ATP7B: variants seen among roughly 807,000 people sequenced by gnomAD.
The protein encoded by ATP7B is copper-transporting ATPase 2.
In ATP7B, 113 loss-of-function variants were observed where a neutral mutation model predicts 118.9. That is an observed-to-expected ratio of 0.95 (90% CI 0.82 to 1.11). ATP7B has a LOEUF of 1.11. Ranked by LOEUF, ATP7B falls within the 50% of genes most tolerant of loss-of-function variation. ATP7B has a pLI of 0.00. For synonymous variants in ATP7B, 777 were observed against 727.4 expected (o/e 1.07, Z -1.10); for missense variants, 1,867 against 1,871.4 (o/e 1.00, Z 0.04).
chr13:51,939,023 C>T (rs1957148215), intron 17 of ATP7B, 28 bp downstream of exon 17: 2 of 1,614,222 alleles, frequency 1.2e-6, no homozygotes, highest in African/African-American at 1.3e-5. Flanking sequence ...ATGAGCTTTA[C>T]ACAGTTTGCA....
intron 9 of ATP7B, among the ~76,000 whole-genome samples, chr13:51,950,789 A>T (rs899502019): frequency 1.3e-5 from 2 of 152,160 alleles, no homozygotes; most frequent in Non-Finnish European, 2.9e-5. Context: ...GGAAGGTAAC[A>T]TTTAAGCTGA....
intron 7 of ATP7B, chr13:51,959,000 T>C (rs1365400567): frequency 3.8e-5 from 8 of 210,932 alleles, no homozygotes; most frequent in Non-Finnish European, 7.7e-5. Context: ...GTATCTGTAT[T>C]ACGTGAACAT....
upstream of ATP7B, chr13:52,011,476 GCAAA>G: frequency 1.1e-6 from 1 of 929,750 alleles, no homozygotes; most frequent in South Asian, 1.4e-5. Context: ...CGGCTCTAAA[GCAAA>G]CAGGGGTCCG....
chr13:51,936,979 A>G (rs1294698218), intron 19 of ATP7B, among the ~76,000 whole-genome samples: 1 of 152,164 alleles, frequency 6.6e-6, no homozygotes, highest in Non-Finnish European at 1.5e-5. Flanking sequence ...CTCAGACTAT[A>G]TGACTTAACA....
At chr13:51,937,713 C>T (rs368929809) in intron 17 of ATP7B, 34 bp from the exon 18 acceptor site, 26 of 1,608,534 alleles carry the variant, frequency 1.6e-5, no homozygotes, top group African/African-American at 2.7e-5. Flanking sequence ...CTAGTGTTGG[C>T]AAAAGGTATC....
Position 51,965,237 on chromosome 13 carries a change from C to T in ATP7B, c.1708-204G>A, listed in dbSNP as rs375115846. 2.0e-4 allele frequency among the ~76,000 whole-genome samples: 30 copies of T among 152,318 alleles called. No individual in the cohort carries two copies. The South Asian group carries it at 3.5e-3, about 18-fold the overall frequency. Reference sequence around the variant, plus strand: ...CTTCAGGGACTAAAGAGTAGCTCTTCCCCAAAACAGGTACAAGAGACAGCC... The same window carrying T: ...CTTCAGGGACTAAAGAGTAGCTCTTTCCCAAAACAGGTACAAGAGACAGCC... On this transcript the variant is annotated intron_variant, in intron 4 of 20. Transcript: ENST00000242839.
intron 1 of ATP7B, among the ~76,000 whole-genome samples, chr13:51,978,457 C>G (rs994590210): frequency 2.0e-5 from 3 of 152,172 alleles, no homozygotes; most frequent in Non-Finnish European, 4.4e-5. Context: ...TTTGCAATAC[C>G]TATTAAAATT....
intron 1 of ATP7B, among the ~76,000 whole-genome samples, chr13:52,000,297 T>C (rs1012434078): frequency 6.6e-6 from 1 of 152,190 alleles, no homozygotes; most frequent in South Asian, 2.1e-4. Context: ...GTTCTTTGCT[T>C]CACAGATGGT....
chr13:51,937,350 C>T lies in ATP7B; in HGVS notation c.3947G>A (p.Arg1316Lys), dbSNP rs1451739635. Residue 1316 changes from arginine to lysine, a missense_variant, in exon 19 of 21, where the codon AGG becomes AAG. Coordinates refer to ENST00000242839, the MANE Select transcript of ATP7B (RefSeq NM_000053.4). ...GTTGATGCGTATCCTTCGGACAGTC[C>T]TCTTGGAAAGGTGAATGCTAGCCAC... is the stretch of plus-strand genomic sequence containing the variant. Reference protein sequence around the residue: ...DVVASIHLSKRTVRRIRINLV... With the variant: ...DVVASIHLSKKTVRRIRINLV... 1.2e-6 allele frequency: 2 copies of T among 1,614,230 alleles called. No individual in the cohort carries two copies. The highest frequency in any genetic ancestry group is 1.1e-5 in the South Asian group (1 of 91,082).
chr13:51,950,348 C>G lies in ATP7B; in HGVS notation c.2499G>C (p.Val833=). The G allele has an allele frequency of 6.2e-6, 10 of 1,614,194 alleles. No individual in the cohort carries two copies. The highest frequency in any genetic ancestry group is 8.5e-6 in the Non-Finnish European group (10 of 1,180,032). Residue 833 remains valine, a synonymous_variant, in exon 10 of 21, where the codon GTG becomes GTC. Transcript: ENST00000242839. ...CCACTGGAAACTTTCCCCCAGGGAC[C>G]ACCTTGACGATATCGCCCCGCTGCA... The part of the protein sequence containing the change: ...ELVQRGDIVK[V]VPGGKFPVDG...
At chr13:51,986,897 TA>T (rs1275017991) in intron 1 of ATP7B, among the ~76,000 whole-genome samples, 3 of 152,202 alleles carry the variant, frequency 2.0e-5, no homozygotes, top group African/African-American at 7.2e-5. Context: ...CTCAATAAAC[TA>T]GGTACTGATG....
At chr13:51,973,132 C>T (rs1290839207) in intron 2 of ATP7B, among the ~76,000 whole-genome samples, 1 of 152,156 alleles carries the variant, frequency 6.6e-6, no homozygotes, top group African/African-American at 2.4e-5. Context: ...CCTTAACTCT[C>T]ATTTTTACCA....
rs761258963 is a variant in ATP7B at position 51,957,550 on chromosome 13, C to T, written c.2413G>A (p.Val805Ile). Reference protein sequence around the residue: ...LMSLQATEATVVTLGEDNLII... With the variant: ...LMSLQATEATIVTLGEDNLII... ...AAATTGTCCTCACCAAGGGTCACAA[C>T]GGTGGCTTCTGTGGCTTGGAGAGAC... The change falls in exon 9 of 21, where the codon GTT (valine) becomes ATT (isoleucine). Residue 805 changes from valine (V) to isoleucine (I), a missense_variant. By Grantham distance (29) the Val-to-Ile change is conservative (BLOSUM62 3). Transcript: ENST00000242839. The T allele has an allele frequency of 9.3e-6, 15 of 1,614,168 alleles. No homozygotes were observed. The highest frequency in any genetic ancestry group is 2.2e-5 in the South Asian group (2 of 91,086).
intron 14 of ATP7B, 145 bp from the exon 15 acceptor site, chr13:51,942,699 T>A: frequency 9.8e-6 from 9 of 919,514 alleles, no homozygotes; most frequent in South Asian, 1.4e-5. Context: ...GGGAGGGAGG[T>A]GGAACAGATA....
chr13:51,966,447 C>T (rs1251587722), intron 4 of ATP7B, among the ~76,000 whole-genome samples: 5 of 152,124 alleles, frequency 3.3e-5, no homozygotes, highest in African/African-American at 4.8e-5. Context: ...CCGCTTGTGC[C>T]GTACCATGTT....
At chr13:51,958,203 T>C in intron 8 of ATP7B, 108 bp downstream of exon 8, 1 of 1,295,340 alleles carries the variant, frequency 7.7e-7, no homozygotes, top group South Asian at 1.3e-5. Context: ...TTTCTTTAAG[T>C]CTGTCTCTAT....
chr13:51,964,882 T>C lies in ATP7B; in HGVS notation c.1859A>G (p.Lys620Arg). 10 of 1,614,206 alleles carry C rather than the reference T, an allele frequency of 6.2e-6. No individual in the cohort carries two copies. The highest frequency in any genetic ancestry group is 1.1e-5 in the South Asian group (1 of 91,082). ...TAATGAATTACTTACCTCAATAATT[T>C]TGATAATATCCCGTGGACCGATAAT... Reference protein sequence around the residue: ...PEIIGPRDIIKIIEEIGFHAS... With the variant: ...PEIIGPRDIIRIIEEIGFHAS... Residue 620 changes from lysine (K) to arginine (R), a missense_variant, in exon 5 of 21, where the codon AAA (lysine) becomes AGA (arginine). Physicochemically the swap from Lys to Arg is conservative, Grantham distance 26. Coordinates refer to ENST00000242839, the MANE Select transcript of ATP7B (RefSeq NM_000053.4).
At chr13:51,939,923 C>T (rs1168950381) in intron 16 of ATP7B, among the ~76,000 whole-genome samples, 1 of 147,346 alleles carries the variant, frequency 6.8e-6, no homozygotes, top group Admixed American at 6.8e-5. Context: ...CAGAAACTAA[C>T]ATTAACAAAG....
Position 51,970,857 on chromosome 13 carries a change from C to A in ATP7B, c.1286-108G>T, listed in dbSNP as rs1190360486. On this transcript the variant is annotated intron_variant, in intron 2 of 20. Coordinates refer to ENST00000242839, the MANE Select transcript of ATP7B (RefSeq NM_000053.4). Reference sequence around the variant, plus strand: ...GAGGGTTCATTGTCCCGGCTCCCACCGAGCAGCCTCAGCCCCTGGGCTCCA... The same window carrying A: ...GAGGGTTCATTGTCCCGGCTCCCACAGAGCAGCCTCAGCCCCTGGGCTCCA... The A allele has an allele frequency of 6.6e-6, 7 of 1,059,328 alleles. No homozygotes were observed. In the South Asian group the frequency reaches 9.5e-5, roughly 14 times the overall value. The allele number at this position is 1,059,328 out of a possible 1,614,324, so 65.6% of individuals were successfully genotyped here. A position where few individuals can be genotyped will look rare whatever the true frequency, so the allele number is the denominator to read the frequency against.
Sources: allele counts gnomAD v4.1 joint callset (sites outside exome capture counted in the v4.1 genomes callset), GRCh38; gene constraint gnomAD v4.1.1; transcripts MANE v1.5; gene names NCBI Gene and HGNC (gene_info 2026-07-23, HGNC 2026-07-21).